Variants in PRPF4 observed in about 807,000 individuals in gnomAD.
The protein encoded by PRPF4 is pre-mRNA splicing tri-snRNP complex factor PRPF4, also known as U4/U6 small nuclear ribonucleoprotein Prp4.
A neutral mutation model predicts 72.2 loss-of-function variants in PRPF4; 14 were observed. That is an observed-to-expected ratio of 0.19 (90% CI 0.13 to 0.30). The LOEUF is 0.30. Ranked by LOEUF, PRPF4 falls within the 10% of genes least tolerant of loss-of-function variation. The pLI is 1.00. For synonymous variants in PRPF4, 225 were observed against 232.2 expected (o/e 0.97, Z 0.28); for missense variants, 478 against 653.9 (o/e 0.73, Z 2.93).
intron 10 of PRPF4, 28 bp from the exon 11 acceptor site, chr9:113,290,438 G>C: frequency 6.2e-7 from 1 of 1,613,926 alleles, no homozygotes; most frequent in Non-Finnish European, 8.5e-7. Context: ...ATATCAGCTG[G>C]TTGATTGTTA....
rs1164460977 is a variant in PRPF4, at chr9:113,279,007, G to A, written c.268G>A (p.Glu90Lys). The A allele has an allele frequency of 1.2e-6, 2 of 1,614,240 alleles. No homozygotes were observed. ...ACAGGCAGAAGTATTGGCTGAGTTTGAGAGAAGGAAGCGAGCCCGGCAGAT... is the reference window on the plus strand; with the variant it reads ...ACAGGCAGAAGTATTGGCTGAGTTTAAGAGAAGGAAGCGAGCCCGGCAGAT... ...ERQAEVLAEFERRKRARQINV... is the reference protein window; with the variant it reads ...ERQAEVLAEFKRRKRARQINV... Residue 90 changes from glutamate to lysine, a missense_variant, in exon 3 of 14, where the codon GAG becomes AAG. Transcript: ENST00000374198.
At chr9:113,280,481 G>A (rs1832246034) in intron 3 of PRPF4, among the ~76,000 whole-genome samples, 1 of 152,112 alleles carries the variant, frequency 6.6e-6, no homozygotes, top group South Asian at 2.1e-4. Context: ...ACAATTCTTA[G>A]TTGAAAATCT....
chr9:113,286,149 G>C, intron 7 of PRPF4, 83 bp from the exon 8 acceptor site: 1 of 1,444,652 alleles, frequency 6.9e-7, no homozygotes, highest in Non-Finnish European at 9.7e-7. Flanking sequence ...GGTGAGAAGA[G>C]ATTGTCCTTT....
chr9:113,279,026 G>A lies in PRPF4; in HGVS notation c.287G>A (p.Arg96Gln). ...LAEFERRKRA[R>Q]QINVSTDDSE... Reference sequence around the variant, plus strand: ...GAGTTTGAGAGAAGGAAGCGAGCCCGGCAGATCAATGTTTCCACAGATGAC... The same window carrying A: ...GAGTTTGAGAGAAGGAAGCGAGCCCAGCAGATCAATGTTTCCACAGATGAC... Residue 96 changes from arginine (R) to glutamine (Q), a missense_variant, in exon 3 of 14, where the codon CGG becomes CAG. By Grantham distance (43) the Arg-to-Gln change is conservative. Coordinates refer to ENST00000374198, the MANE Select transcript of PRPF4 (RefSeq NM_001244926.2). The A allele has an allele frequency of 2.5e-6, 4 of 1,614,222 alleles. No homozygotes were observed. The highest frequency in any genetic ancestry group is 3.4e-6 in the Non-Finnish European group (4 of 1,180,034).
chr9:113,288,761 A>G (rs1485408661), intron 10 of PRPF4, among the ~76,000 whole-genome samples: 1 of 152,122 alleles, frequency 6.6e-6, no homozygotes, highest in Non-Finnish European at 1.5e-5. Context: ...ATTACAATTA[A>G]TCTGAAATTT....
chr9:113,279,708 G>A (rs1832219174), intron 3 of PRPF4, among the ~76,000 whole-genome samples: 1 of 152,042 alleles, frequency 6.6e-6, no homozygotes, highest in African/African-American at 2.4e-5. Flanking sequence ...TTATAGACTT[G>A]GAAGAGGGTG....
chr9:113,279,817 A>G (rs1832221929), intron 3 of PRPF4, among the ~76,000 whole-genome samples: 1 of 152,246 alleles, frequency 6.6e-6, no homozygotes, highest in Non-Finnish European at 1.5e-5. Context: ...TGCATTCCAT[A>G]TCAATGACAT....
intron 6 of PRPF4, 130 bp from the exon 7 acceptor site, chr9:113,284,165 C>G: frequency 1.6e-6 from 1 of 624,462 alleles, no homozygotes; most frequent in Non-Finnish European, 2.8e-6. Context: ...AGCAACAAAA[C>G]CATAGAAGAA....
chr9:113,283,579 A>G, intron 6 of PRPF4, 97 bp downstream of exon 6: 2 of 1,209,892 alleles, frequency 1.7e-6, no homozygotes, highest in Non-Finnish European at 2.3e-6. Flanking sequence ...AGAGGCAACT[A>G]GAGTGATTCC....
chr9:113,281,630 A>G (rs1231341894), intron 3 of PRPF4, among the ~76,000 whole-genome samples: 2 of 152,152 alleles, frequency 1.3e-5, no homozygotes, highest in African/African-American at 4.8e-5. Context: ...TCTATGTTCT[A>G]CGCTCCAGCC....
Position 113,291,614 on chromosome 9 carries a change from C to G in PRPF4, c.1520C>G (p.Ala507Gly). The G allele has an allele frequency of 1.9e-6, 3 of 1,614,150 alleles. No individual in the cohort carries two copies. The highest frequency in any genetic ancestry group is 2.5e-6 in the Non-Finnish European group (3 of 1,180,036). Reference protein sequence around the residue: ...LDISSDGQLIATCSYDRTFKL... With the variant: ...LDISSDGQLIGTCSYDRTFKL... ...ATTTCTTCCGATGGGCAGCTCATAGCCACTTGCTCATATGACAGGACCTTC... is the reference window on the plus strand; with the variant it reads ...ATTTCTTCCGATGGGCAGCTCATAGGCACTTGCTCATATGACAGGACCTTC... The change falls in exon 14 of 14, where the codon GCC becomes GGC. Residue 507 changes from alanine (A) to glycine (G), a missense_variant. Physicochemically the swap from Ala to Gly is moderately conservative, Grantham distance 60. Transcript: ENST00000374198.
intron 3 of PRPF4, 76 bp downstream of exon 3, chr9:113,279,207 A>C: frequency 7.8e-7 from 1 of 1,285,716 alleles, no homozygotes; most frequent in Non-Finnish European, 1.1e-6. Flanking sequence ...TTGATCATTT[A>C]GTTGAACTTT....
intron 8 of PRPF4, among the ~76,000 whole-genome samples, 188 bp downstream of exon 8, chr9:113,286,478 G>T (rs180831857): frequency 1.3e-5 from 2 of 152,176 alleles, no homozygotes; most frequent in East Asian, 3.8e-4. Flanking sequence ...CTCATGTGCA[G>T]TCACACTCTG....
chr9:113,287,449 A>G (rs757795397), intron 9 of PRPF4, among the ~76,000 whole-genome samples: 2 of 152,182 alleles, frequency 1.3e-5, no homozygotes, highest in Non-Finnish European at 2.9e-5. Context: ...TCCAACTACA[A>G]CAGTTTTTAA....
intron 3 of PRPF4, among the ~76,000 whole-genome samples, 197 bp from the exon 4 acceptor site, chr9:113,282,449 G>A (rs920786195): frequency 1.3e-5 from 2 of 150,204 alleles, no homozygotes; most frequent in Non-Finnish European, 3.0e-5. Context: ...TCCACCCTGG[G>A]CAACAACAAG....
At chr9:113,291,415 C>T in intron 13 of PRPF4, 52 bp from the exon 14 acceptor site, 3 of 1,514,060 alleles carry the variant, frequency 2.0e-6, no homozygotes, top group Non-Finnish European at 2.7e-6. Context: ...CTTTTGTCTT[C>T]TCTTTTGAAT....
At position 113,275,689 on chromosome 9, in the gene PRPF4, G is replaced by A. The variant is rs16931980; in HGVS notation, c.-55G>A. On this transcript the variant is annotated 5_prime_UTR_variant, in exon 1 of 14. Coordinates refer to ENST00000374198, the MANE Select transcript of PRPF4 (RefSeq NM_001244926.2). Reference sequence around the variant, plus strand: ...CCCCTCTGCTGGGCGCGCGGTGGACGGTCTGAAAGGGAGTGTTCGGGTTTC... The same window carrying A: ...CCCCTCTGCTGGGCGCGCGGTGGACAGTCTGAAAGGGAGTGTTCGGGTTTC... The A allele has an allele frequency of 2.5e-6, 4 of 1,575,464 alleles. No homozygotes were observed. The highest frequency in any genetic ancestry group is 1.4e-5 in the African/African-American group (1 of 73,110).
chr9:113,282,866 A>G (rs1415546456), intron 4 of PRPF4, 133 bp downstream of exon 4: 2 of 992,802 alleles, frequency 2.0e-6, no homozygotes, highest in Non-Finnish European at 3.0e-6. Context: ...CCATTCAAGA[A>G]GAGTTGCTGG....
At chr9:113,289,096 T>C (rs1832534700) in intron 10 of PRPF4, among the ~76,000 whole-genome samples, 1 of 152,248 alleles carries the variant, frequency 6.6e-6, no homozygotes, top group Admixed American at 6.5e-5. Flanking sequence ...CACCACAAAT[T>C]AATTATGTCT....
Sources: gnomAD v4.1 joint callset for allele counts (sites outside exome capture counted in the v4.1 genomes callset) on GRCh38, gnomAD v4.1.1 for gene constraint, MANE v1.5 for transcripts, NCBI Gene and HGNC (gene_info 2026-07-23, HGNC 2026-07-21) for gene names.